Variants in PUS7 observed in about 807,000 individuals in gnomAD.
The protein encoded by PUS7 is pseudouridine synthase 7.
In PUS7, 48 loss-of-function variants were observed where a neutral mutation model predicts 79.8. That is an observed-to-expected ratio of 0.60 (90% CI 0.48 to 0.76). The LOEUF (loss-of-function observed/expected upper bound fraction) is 0.76. PUS7 is among the 30% of genes least tolerant of loss of function. The pLI, the probability that PUS7 is intolerant of heterozygous loss-of-function variation, is 0.00. For missense variants in PUS7, 729 were observed against 797.6 expected, an observed-to-expected ratio of 0.91 and a Z score of 1.04; for synonymous variants, 286 against 272.2, an observed-to-expected ratio of 1.05 and a Z score of -0.50.
chr7:105,476,360 A>T (rs1586115192), intron 9 of PUS7, among the ~76,000 whole-genome samples: 1 of 151,560 alleles, frequency 6.6e-6, no homozygotes, highest in East Asian at 1.9e-4. Flanking sequence ...AACATAATTT[A>T]TATATATATA....
chr7:105,465,258 G>A, intron 13 of PUS7, 55 bp downstream of exon 13: 1 of 1,275,726 alleles, frequency 7.8e-7, no homozygotes, highest in Non-Finnish European at 1.1e-6. Context: ...GCTTGAAATA[G>A]TAGCTTCATT....
intron 7 of PUS7, among the ~76,000 whole-genome samples, chr7:105,483,625 T>C (rs141254071): frequency 1.3e-5 from 2 of 152,034 alleles, no homozygotes; most frequent in East Asian, 3.9e-4. Context: ...CCCGAGTAGC[T>C]GAGAATACAG....
chr7:105,510,645 C>A (rs1825666137), intron 1 of PUS7, among the ~76,000 whole-genome samples: 2 of 152,014 alleles, frequency 1.3e-5, no homozygotes, highest in African/African-American at 4.8e-5. Flanking sequence ...TCCCGGGTGG[C>A]TGGGATCACA....
chr7:105,513,628 G>C (rs1825780349), intron 1 of PUS7, among the ~76,000 whole-genome samples: 1 of 150,858 alleles, frequency 6.6e-6, no homozygotes, highest in South Asian at 2.1e-4. Context: ...ACGAAGTCAG[G>C]AGATCGAGAC....
At chr7:105,512,144 CAAAAAAAAAA>C (rs59884368) in intron 1 of PUS7, among the ~76,000 whole-genome samples, 3 of 68,826 alleles carry the variant, frequency 4.4e-5, no homozygotes, top group Non-Finnish European at 7.6e-5. Flanking sequence ...GATTCTGTCT[CAAAAAAAAAA>C]AAAAAAAAAA....
intron 7 of PUS7, among the ~76,000 whole-genome samples, chr7:105,483,412 G>A (rs1274266530): frequency 5.5e-5 from 8 of 146,222 alleles, no homozygotes; most frequent in East Asian, 2.0e-4. Context: ...TGATCCGCCC[G>A]CCTCGGCCTC....
rs1270773876 is a variant in PUS7 at position 105,456,519 on chromosome 7, T to A, written c.*1271A>T. The A allele has an allele frequency of 6.6e-6, 1 of 152,244 alleles. No individual in the cohort carries two copies. The highest frequency in any genetic ancestry group is 1.5e-5 in the Non-Finnish European group (1 of 68,038). The allele number at this position is 152,244 out of a possible 1,614,324, so 9.4% of individuals were successfully genotyped here. On this transcript the variant is annotated 3_prime_UTR_variant, in exon 16 of 16. Transcript: ENST00000469408. ...ATTCTTATCTGCACTCATTTTGATA[T>A]ATTTATTTGATTTATTTACATAACC...
intron 5 of PUS7, among the ~76,000 whole-genome samples, chr7:105,495,503 C>T (rs1451729429): frequency 6.6e-6 from 1 of 151,818 alleles, no homozygotes; most frequent in Non-Finnish European, 1.5e-5. Flanking sequence ...CCTGTAATCT[C>T]AGGACTTTGG....
At chr7:105,482,255 T>C in intron 8 of PUS7, 57 bp downstream of exon 8, 7 of 1,569,768 alleles carry the variant, frequency 4.5e-6, no homozygotes, top group East Asian at 2.2e-5. Flanking sequence ...GTGAGTAACA[T>C]ACTCAAGATG....
At chr7:105,469,702 C>T (rs1823795898) in intron 11 of PUS7, among the ~76,000 whole-genome samples, 1 of 152,166 alleles carries the variant, frequency 6.6e-6, no homozygotes, top group Admixed American at 6.5e-5. Flanking sequence ...TCAGGAGATC[C>T]ACCTGCGTTG....
chr7:105,488,084 T>C (rs558014537), intron 7 of PUS7, among the ~76,000 whole-genome samples: 13 of 152,268 alleles, frequency 8.5e-5, no homozygotes, highest in African/African-American at 3.1e-4. Context: ...AACATTTAGG[T>C]GTCTAACACA....
At chr7:105,470,928 C>T (rs1586103004) in intron 10 of PUS7, 80 bp from the exon 11 acceptor site, 2 of 1,393,506 alleles carry the variant, frequency 1.4e-6, no homozygotes, top group East Asian at 2.4e-5. Context: ...TCACAGAGAA[C>T]ACAAAATTAG....
At chr7:105,458,952 A>G (rs1289894833) in intron 15 of PUS7, among the ~76,000 whole-genome samples, 1 of 152,152 alleles carries the variant, frequency 6.6e-6, no homozygotes, top group African/African-American at 2.4e-5. Flanking sequence ...ATCACCTAAT[A>G]TCACAACCAT....
At position 105,508,252 on chromosome 7, in the gene PUS7, A is replaced by C; in HGVS notation, c.261T>G (p.Asp87Glu). Residue 87 changes from aspartate to glutamate, a missense_variant, in exon 2 of 16, where the codon GAT (aspartate) becomes GAG (glutamate). Coordinates refer to ENST00000469408, the MANE Select transcript of PUS7 (RefSeq NM_019042.5). ...QLEDEEEEEEDGLSEECEEEE... is the reference protein window; with the variant it reads ...QLEDEEEEEEEGLSEECEEEE... ...CCTCCTCGCACTCCTCTGAAAGTCC[A>C]TCTTCCTCCTCTTCTTCCTCATCTT... 2 of 1,614,098 alleles carry C rather than the reference A, an allele frequency of 1.2e-6. No individual in the cohort carries two copies. The highest frequency in any genetic ancestry group is 1.7e-6 in the Non-Finnish European group (2 of 1,179,998).
At chr7:105,521,944 T>A (rs1326317521) in intron 1 of PUS7, 108 bp downstream of exon 1, 2 of 152,184 alleles carry the variant, frequency 1.3e-5, no homozygotes, top group East Asian at 3.9e-4. Context: ...GCCTTCCCAG[T>A]CCGCCTTCCC....
chr7:105,506,610 A>G (rs1040748527), intron 2 of PUS7, among the ~76,000 whole-genome samples: 4 of 151,804 alleles, frequency 2.6e-5, no homozygotes, highest in Non-Finnish European at 4.4e-5. Context: ...TTTAGTAGAG[A>G]CGGGGTTGCA....
At chr7:105,492,506 T>A (rs1824832098) in intron 6 of PUS7, among the ~76,000 whole-genome samples, 2 of 136,844 alleles carry the variant, frequency 1.5e-5, no homozygotes, top group Middle Eastern at 3.5e-3. Context: ...TTGTATTTTT[T>A]TTTTTTTTTT....
Position 105,458,025 on chromosome 7 carries a change from C to T in PUS7, c.1850-99G>A, listed in dbSNP as rs1168031294. The T allele has an allele frequency of 2.2e-5, 30 of 1,385,794 alleles. No individual in the cohort carries two copies. The East Asian group carries it at 6.3e-4, about 29-fold the overall frequency. 85.8% of individuals were successfully genotyped at this position (1,385,794 alleles called of 1,614,324 possible). On this transcript the variant is annotated intron_variant, in intron 15 of 15. Coordinates refer to ENST00000469408, the MANE Select transcript of PUS7 (RefSeq NM_019042.5). ...TAAGCAAATACAAAGAACTGTGCTG[C>T]TTTCCTTAGACTCCACTTCCTAGGG...
At chr7:105,491,778 TG>T (rs1824791711) in intron 6 of PUS7, among the ~76,000 whole-genome samples, 161 bp from the exon 7 acceptor site, 1 of 152,084 alleles carries the variant, frequency 6.6e-6, no homozygotes, top group Non-Finnish European at 1.5e-5. Context: ...CCAGGGAGGC[TG>T]GGCGCAGTGG....
Sources: allele counts gnomAD v4.1 joint callset (sites outside exome capture counted in the v4.1 genomes callset), GRCh38; gene constraint gnomAD v4.1.1; transcripts MANE v1.5; gene names NCBI Gene and HGNC (gene_info 2026-07-23, HGNC 2026-07-21).